FRA10AC1: variants seen among roughly 807,000 people sequenced by gnomAD.
The protein encoded by FRA10AC1 is FRA10A associated CGG repeat 1.
In FRA10AC1, 43 loss-of-function variants were observed where a neutral mutation model predicts 56.5. The observed-to-expected ratio is 0.76, with a 90% CI of 0.60 to 0.98. FRA10AC1 has a LOEUF of 0.98. FRA10AC1 is among the 50% of genes least tolerant of loss of function. The pLI is 0.00. For missense variants in FRA10AC1, 346 were observed against 351.8 expected (o/e 0.98, Z 0.13); for synonymous variants, 112 against 110.5 (o/e 1.01, Z -0.09).
At chr10:93,682,738 G>A (rs2058957742) in intron 10 of FRA10AC1, among the ~76,000 whole-genome samples, 2 of 152,182 alleles carry the variant, frequency 1.3e-5, no homozygotes, top group Non-Finnish European at 2.9e-5. Flanking sequence ...CCAGGAGGCT[G>A]AGGCTGCAAT....
At position 93,702,522 on chromosome 10, in the gene FRA10AC1, A is replaced by ACCACCGCCACCACCGCCGCCG. The variant is rs60832838; in HGVS notation, c.-149_-148insCGGCGGCGGTGGTGGCGGTGG. ...GCCGCACAGCCTCGCCACAACCACC[A>ACCACCGCCACCACCGCCGCCG]CCGCCGCCGCCGCCGCCGCCGCCGC... On this transcript the variant is annotated 5_prime_UTR_variant, in exon 1 of 14. Transcript: ENST00000359204. 4.7e-6 allele frequency: 1 copy of ACCACCGCCACCACCGCCGCCG among 211,550 alleles called. No homozygotes were observed. The allele number at this position is 211,550 out of a possible 1,614,324, so 13.1% of individuals were successfully genotyped here.
chr10:93,673,577 T>TG (rs1357842785), intron 12 of FRA10AC1: 1 of 354,852 alleles, frequency 2.8e-6, no homozygotes, highest in Non-Finnish European at 5.5e-6. Flanking sequence ...ACTGAAGAAA[T>TG]GGCAAATGTC....
At chr10:93,698,222 T>C (rs370497528) in intron 3 of FRA10AC1, 41 bp from the exon 4 acceptor site, 43 of 1,513,244 alleles carry the variant, frequency 2.8e-5, no homozygotes, top group Admixed American at 2.4e-4. Context: ...AAAATGTTTA[T>C]ATTCAAATTA....
intron 12 of FRA10AC1, chr10:93,671,147 G>T: frequency 3.7e-6 from 1 of 268,250 alleles, no homozygotes; most frequent in Non-Finnish European, 7.2e-6. Flanking sequence ...ATTATCTCTT[G>T]CAATATAGTT....
At chr10:93,676,717 TTAAC>T in intron 11 of FRA10AC1, 26 bp from the exon 12 acceptor site, 4 of 1,554,506 alleles carry the variant, frequency 2.6e-6, no homozygotes, top group Non-Finnish European at 3.5e-6. Context: ...CATTGATTTA[TTAAC>T]TATCATCTTG....
chr10:93,700,565 TAAGTA>T (rs1379978974), intron 1 of FRA10AC1, among the ~76,000 whole-genome samples: 2 of 152,242 alleles, frequency 1.3e-5, no homozygotes, highest in Non-Finnish European at 2.9e-5. Flanking sequence ...TAATCAAAGT[TAAGTA>T]AATCTATTTA....
chr10:93,673,034 G>C (rs2058789196), intron 12 of FRA10AC1: 2 of 192,996 alleles, frequency 1.0e-5, no homozygotes. Context: ...GGGGAACCTG[G>C]AGGTCATTTA....
chr10:93,688,889 G>A (rs768261290), intron 7 of FRA10AC1, among the ~76,000 whole-genome samples: 2 of 152,028 alleles, frequency 1.3e-5, no homozygotes, highest in Admixed American at 1.3e-4. Flanking sequence ...AACTCAAGAA[G>A]CTCTTGTCAC....
intron 7 of FRA10AC1, 41 bp from the exon 8 acceptor site, chr10:93,687,490 AAT>A (rs1273776111): frequency 7.0e-7 from 1 of 1,433,938 alleles, no homozygotes; most frequent in Non-Finnish European, 9.4e-7. Flanking sequence ...TGTAAATTTA[AAT>A]TATACAGAAA....
chr10:93,667,897 AC>A lies in FRA10AC1; in HGVS notation c.*1928del, dbSNP rs2058706245. 1 of 152,196 alleles carries A rather than the reference AC, an allele frequency of 6.6e-6. No homozygotes were observed. Among genetic ancestry groups the A allele is most frequent in the Non-Finnish European group, 1.5e-5 (1 of 68,036 alleles). The allele number at this position is 152,196 out of a possible 1,614,324, so 9.4% of individuals were successfully genotyped here. ...ACTACAAGTAGTGAGGTGAAAAAAA[AC>A]AATTTATTCAAGAAGTGAGGGGACT... On this transcript the variant is annotated 3_prime_UTR_variant, in exon 14 of 14. Coordinates refer to ENST00000359204, the MANE Select transcript of FRA10AC1 (RefSeq NM_145246.5).
intron 6 of FRA10AC1, 87 bp downstream of exon 6, chr10:93,692,559 C>T: frequency 3.8e-6 from 3 of 794,640 alleles, no homozygotes; most frequent in Non-Finnish European, 6.4e-6. Context: ...TATGAAGGGG[C>T]TGAACACCTT....
chr10:93,693,642 CACCATATATATAT>C (rs1212954726), intron 5 of FRA10AC1, among the ~76,000 whole-genome samples: 1 of 136,854 alleles, frequency 7.3e-6, no homozygotes, highest in African/African-American at 2.6e-5. Context: ...TATATATACA[CACCATATATATAT>C]ACCATATATA....
At position 93,698,281 on chromosome 10, in the gene FRA10AC1, T is replaced by C. The variant is rs764364924; in HGVS notation, c.173+20A>G. ...AAGCAACTTAAACCAAGAAATAGAA[T>C]TGACACTGAAATACCATACCTATCC... On this transcript the variant is annotated intron_variant, in intron 3 of 13. Transcript: ENST00000359204. 1.3e-6 allele frequency: 2 copies of C among 1,558,060 alleles called. No homozygotes were observed. The highest frequency in any genetic ancestry group is 1.8e-6 in the Non-Finnish European group (2 of 1,131,220).
At chr10:93,690,039 G>A (rs753299786) in intron 7 of FRA10AC1, among the ~76,000 whole-genome samples, 16 of 152,208 alleles carry the variant, frequency 1.1e-4, no homozygotes, top group South Asian at 1.0e-3. Flanking sequence ...AGGAGTAAGA[G>A]GCAAAGGTGG....
rs905105682 is a variant in FRA10AC1 at position 93,685,548 on chromosome 10, A to C, written c.512-189T>G. 4 of 417,308 alleles carry C rather than the reference A, an allele frequency of 9.6e-6. No homozygotes were observed. The South Asian group carries it at 1.3e-4, about 14-fold the overall frequency. The allele number at this position is 417,308 out of a possible 1,614,324, so 25.9% of individuals were successfully genotyped here. On this transcript the variant is annotated intron_variant, in intron 8 of 13. Transcript: ENST00000359204. The stretch of plus-strand genomic sequence containing the variant: ...CAAATCAAAGTACTGTTACCAAAAA[A>C]AATCAGTCACAGAATTCTTGCTTGA...
In FRA10AC1 at chr10:93,678,590, G is replaced by C. The variant is rs543911636; in HGVS notation, c.788-1899C>G. On this transcript the variant is annotated intron_variant, in intron 11 of 13. Coordinates refer to ENST00000359204, the MANE Select transcript of FRA10AC1 (RefSeq NM_145246.5). ...TCATGCTGGTAATCCCAGCACTTTG[G>C]GGGGCCAAGGTGAGAGAATTGCTTG... Among the ~76,000 whole-genome samples, 4 of 152,210 alleles carry C rather than the reference G, an allele frequency of 2.6e-5. No homozygotes were observed. The East Asian group carries it at 5.8e-4, about 22-fold the overall frequency.
chr10:93,680,056 G>C (rs1198244732), intron 11 of FRA10AC1, among the ~76,000 whole-genome samples: 9 of 152,088 alleles, frequency 5.9e-5, no homozygotes, highest in Admixed American at 4.6e-4. Context: ...AATACGAAGG[G>C]TCCAACCTTA....
rs373550720 is a variant in FRA10AC1, at chr10:93,675,775, C to T, written c.826+878G>A. On this transcript the variant is annotated intron_variant, in intron 12 of 13. Coordinates refer to ENST00000359204, the MANE Select transcript of FRA10AC1 (RefSeq NM_145246.5). ...TTTCTAAATTTCTATGAGATAAGTC[C>T]AGAGAGTATAAAATGAATTAGATAT... 22 of 225,648 alleles carry T rather than the reference C, an allele frequency of 9.7e-5. 1 individual carries two copies. Among genetic ancestry groups the T allele is most frequent in the African/African-American group, 4.6e-4 (20 of 43,440 alleles). The allele number at this position is 225,648 out of a possible 1,614,324, so 14.0% of individuals were successfully genotyped here. A position where few individuals can be genotyped will look rare whatever the true frequency, so the allele number is the denominator to read the frequency against.
chr10:93,701,994 T>C (rs1469690410), intron 1 of FRA10AC1, among the ~76,000 whole-genome samples: 1 of 152,112 alleles, frequency 6.6e-6, no homozygotes. Flanking sequence ...TAAAGGGTTT[T>C]AACGGTGTCT....
Sources: gnomAD v4.1 joint callset for allele counts (sites outside exome capture counted in the v4.1 genomes callset) on GRCh38, gnomAD v4.1.1 for gene constraint, MANE v1.5 for transcripts, NCBI Gene and HGNC (gene_info 2026-07-23, HGNC 2026-07-21) for gene names.